OPCML: variants seen among roughly 807,000 people sequenced by gnomAD.
The protein encoded by OPCML is opioid-binding protein/cell adhesion molecule.
In OPCML, 13 loss-of-function variants were observed where a neutral mutation model predicts 37.8. The ratio of observed to expected loss-of-function variants is 0.34; its 90% CI spans 0.22 to 0.55. The LOEUF (loss-of-function observed/expected upper bound fraction) is 0.55, where lower values mean the gene tolerates loss of function less well. Among genes scored for constraint, OPCML ranks in the 20% least tolerant of loss-of-function variants. The pLI is 0.91. For synonymous variants in OPCML, 176 were observed against 168.8 expected (o/e 1.04, Z -0.33); for missense variants, 341 against 435.6 (o/e 0.78, Z 1.93).
chr11:133,034,344 A>T (rs1196292651), intron 1 of OPCML, among the ~76,000 whole-genome samples: 3 of 75,576 alleles, frequency 4.0e-5, no homozygotes, highest in Non-Finnish European at 9.5e-5. Flanking sequence ...TGTGTGTGAC[A>T]GACAGAGGGA....
At chr11:132,431,840 T>C (rs914015975) in intron 7 of OPCML, among the ~76,000 whole-genome samples, 1 of 151,826 alleles carries the variant, frequency 6.6e-6, no homozygotes, top group Non-Finnish European at 1.5e-5. Flanking sequence ...TCTGTGAGAG[T>C]AAATACAAAT....
At chr11:132,764,791 T>C (rs1388374562) in intron 2 of OPCML, among the ~76,000 whole-genome samples, 1 of 152,186 alleles carries the variant, frequency 6.6e-6, no homozygotes, top group Admixed American at 6.5e-5. Flanking sequence ...TGCTGACTAG[T>C]AAGAGTCTGC....
At chr11:133,481,700 A>C (rs1434646674) in intron 1 of OPCML, among the ~76,000 whole-genome samples, 1 of 152,166 alleles carries the variant, frequency 6.6e-6, no homozygotes, top group Non-Finnish European at 1.5e-5. Context: ...GCCTCGAGAA[A>C]CAGTTTAAAT....
intron 1 of OPCML, among the ~76,000 whole-genome samples, chr11:133,176,972 C>T (rs1937611140): frequency 1.3e-5 from 2 of 152,160 alleles, no homozygotes; most frequent in South Asian, 4.1e-4. Context: ...TTCACACACT[C>T]CTTGGGCATG....
chr11:132,594,214 G>C (rs974708913), intron 3 of OPCML, among the ~76,000 whole-genome samples: 1 of 152,122 alleles, frequency 6.6e-6, no homozygotes, highest in African/African-American at 2.4e-5. Context: ...AGGTTAAAAA[G>C]AAAATACATA....
intron 2 of OPCML, among the ~76,000 whole-genome samples, chr11:132,827,624 G>A (rs774551568): frequency 1.3e-5 from 2 of 152,132 alleles, no homozygotes; most frequent in African/African-American, 4.8e-5. Flanking sequence ...TGCTTTTGTT[G>A]TTGTTGTTTT....
chr11:132,797,744 T>G (rs1938412818), intron 2 of OPCML, among the ~76,000 whole-genome samples: 1 of 152,178 alleles, frequency 6.6e-6, no homozygotes, highest in Non-Finnish European at 1.5e-5. Context: ...ATAAATAAGT[T>G]AAAAAATAAA....
At chr11:133,532,020 G>A (rs1948616505) in intron 1 of OPCML, 1 of 201,446 alleles carries the variant, frequency 5.0e-6, no homozygotes, top group Admixed American at 6.5e-5. Flanking sequence ...TGCAGATCTC[G>A]AACCCAGCTC....
rs115703584 is a variant in OPCML at position 133,053,163 on chromosome 11, T to C, written c.62-110153A>G. On this transcript the variant is annotated intron_variant, in intron 1 of 7. Coordinates refer to ENST00000524381, the MANE Select transcript of OPCML (RefSeq NM_001012393.5). ...TCACCAGATTTGGGACCCTGATCCT[T>C]AGTTCTTTCACCTCTACACTGGTGA... 4.0e-3 allele frequency among the ~76,000 whole-genome samples: 603 copies of C among 152,346 alleles called. 7 individuals are homozygous for C. Among genetic ancestry groups the C allele is most frequent in the African/African-American group, 0.014 (584 of 41,580 alleles).
intron 2 of OPCML, among the ~76,000 whole-genome samples, chr11:132,681,998 CAATT>C (rs1942966662): frequency 6.6e-6 from 1 of 151,924 alleles, no homozygotes; most frequent in South Asian, 2.1e-4. Flanking sequence ...AGCTGTCTAA[CAATT>C]AAGCCATCTG....
At chr11:133,492,712 C>CA (rs10688841) in intron 1 of OPCML, among the ~76,000 whole-genome samples, 4,116 of 126,658 alleles carry the variant, frequency 0.032, 158 homozygotes, top group African/African-American at 0.1. Flanking sequence ...CAATTACTGC[C>CA]AAAAAAAAAA....
chr11:133,490,513 G>A (rs1021363483), intron 1 of OPCML, among the ~76,000 whole-genome samples: 3 of 152,170 alleles, frequency 2.0e-5, no homozygotes, highest in Admixed American at 6.5e-5. Context: ...TCAGGAGTGA[G>A]CTACTAAAGC....
Position 133,174,639 on chromosome 11 carries a change from G to GGAA in OPCML, c.62-231630_62-231629insTTC, listed in dbSNP as rs552061062. On this transcript the variant is annotated intron_variant, in intron 1 of 7. Transcript: ENST00000524381. This position sits in a 1 kb window ranked among gnomAD's most constrained non-coding sequence, Gnocchi z 4.6. ...AAATGCTCATGGAATGCTGTTTAGT[G>GGAA]AAAAAAAAAAAAAAAAAAAGCAGGG... Among the ~76,000 whole-genome samples the GGAA allele has an allele frequency of 5.3e-3, 620 of 116,790 alleles. 3 individuals carry two copies. Among genetic ancestry groups the GGAA allele is most frequent in the African/African-American group, 0.015 (519 of 34,614 alleles). The allele number at this position is 116,790 out of a possible 152,430, so 76.6% of individuals were successfully genotyped here.
intron 1 of OPCML, among the ~76,000 whole-genome samples, chr11:133,239,187 A>C (rs569098334): frequency 6.6e-6 from 1 of 152,336 alleles, no homozygotes; most frequent in African/African-American, 2.4e-5. Flanking sequence ...CTAACTTTGC[A>C]GGGCTTTCAT....
At chr11:133,138,179 C>G (rs1251827881) in intron 1 of OPCML, among the ~76,000 whole-genome samples, 1 of 152,042 alleles carries the variant, frequency 6.6e-6, no homozygotes, top group Admixed American at 6.5e-5. Context: ...CATGTTTGGT[C>G]TCTTTGCACA....
At chr11:132,482,700 A>G (rs1246489104) in intron 4 of OPCML, among the ~76,000 whole-genome samples, 1 of 152,212 alleles carries the variant, frequency 6.6e-6, no homozygotes, top group Non-Finnish European at 1.5e-5. Context: ...ATCCAGCAGC[A>G]CATCAAAAAG....
intron 1 of OPCML, among the ~76,000 whole-genome samples, chr11:133,369,071 A>G (rs983143018): frequency 6.6e-6 from 1 of 152,222 alleles, no homozygotes; most frequent in Non-Finnish European, 1.5e-5. Flanking sequence ...ATTCAAACCA[A>G]CCAGATTTGG....
At chr11:132,867,119 G>A (rs147190163) in intron 2 of OPCML, among the ~76,000 whole-genome samples, 2 of 152,326 alleles carry the variant, frequency 1.3e-5, no homozygotes, top group Admixed American at 6.5e-5. Flanking sequence ...AAAAGTTAGA[G>A]ATGAGGAAAG....
chr11:133,263,658 G>C (rs898870124), intron 1 of OPCML, among the ~76,000 whole-genome samples: 1 of 152,138 alleles, frequency 6.6e-6, no homozygotes, highest in Non-Finnish European at 1.5e-5. Context: ...CTCATGAGAG[G>C]CGTGTGTTTT....
Sources: gnomAD v4.1 joint callset for allele counts (sites outside exome capture counted in the v4.1 genomes callset) on GRCh38, gnomAD v4.1.1 for gene constraint, Gnocchi (gnomAD v3.1) non-coding constraint, MANE v1.5 for transcripts, NCBI Gene and HGNC (gene_info 2026-07-23, HGNC 2026-07-21) for gene names.